DEPTOR: variants seen among roughly 807,000 people sequenced by gnomAD.
The protein encoded by DEPTOR is DEP domain containing MTOR interacting protein.
DEPTOR carries 41 observed loss-of-function variants against 41.6 expected under a neutral mutation model. The observed-to-expected ratio is 0.98, with a 90% CI of 0.77 to 1.28. DEPTOR has a LOEUF of 1.28. Ranked by LOEUF, DEPTOR falls within the 50% of genes most tolerant of loss-of-function variation. DEPTOR has a pLI of 0.00. For missense variants in DEPTOR, 514 were observed against 527.9 expected (o/e 0.97, Z 0.26); for synonymous variants, 195 against 192.3 (o/e 1.01, Z -0.12).
intron 1 of DEPTOR, among the ~76,000 whole-genome samples, chr8:119,880,141 C>CAACAT: frequency 7.2e-6 from 1 of 139,226 alleles, no homozygotes; most frequent in South Asian, 2.4e-4. Flanking sequence ...GACTCCGTCT[C>CAACAT]AAAATAAAAT....
chr8:120,014,885 G>A (rs1482532890), intron 8 of DEPTOR, among the ~76,000 whole-genome samples: 4 of 145,568 alleles, frequency 2.7e-5, no homozygotes, highest in Non-Finnish European at 6.0e-5. Context: ...TTGGTTTCAT[G>A]TCACAACCTT....
chr8:120,001,473 G>T, intron 4 of DEPTOR, 52 bp from the exon 5 acceptor site: 1 of 1,512,532 alleles, frequency 6.6e-7, no homozygotes. Context: ...GTAGCGCTCA[G>T]TGGCCAGGAT....
intron 1 of DEPTOR, among the ~76,000 whole-genome samples, chr8:119,904,389 G>A (rs972628052): frequency 1.3e-5 from 2 of 152,082 alleles, no homozygotes; most frequent in Non-Finnish European, 2.9e-5. Context: ...AAAGTGCTGG[G>A]ATTACAGGCA....
At chr8:120,044,641 G>A (rs1434172848) in intron 8 of DEPTOR, among the ~76,000 whole-genome samples, 3 of 152,306 alleles carry the variant, frequency 2.0e-5, no homozygotes, top group Non-Finnish European at 4.4e-5. Flanking sequence ...GCAGAGGAAA[G>A]GTGATACCTG....
chr8:119,964,292 G>C (rs994827920), intron 3 of DEPTOR, among the ~76,000 whole-genome samples: 1 of 152,054 alleles, frequency 6.6e-6, no homozygotes, highest in African/African-American at 2.4e-5. Flanking sequence ...CAAGATGGGC[G>C]GATCACGAGG....
rs371430527 is a variant in DEPTOR at position 119,977,072 on chromosome 8, C to T, written c.604+11662C>T. On this transcript the variant is annotated intron_variant, in intron 4 of 8. Transcript: ENST00000286234. ...CTGGAGTGCAGGGGTGCAATCTTGG[C>T]TCACTGCAACCTCCGCCTCCCGGGT... Among the ~76,000 whole-genome samples the T allele has an allele frequency of 8.5e-5, 13 of 152,284 alleles. No individual in the cohort carries two copies. The East Asian group carries it at 2.5e-3, about 29-fold the overall frequency.
At chr8:120,042,299 T>C (rs924602922) in intron 8 of DEPTOR, among the ~76,000 whole-genome samples, 1 of 152,166 alleles carries the variant, frequency 6.6e-6, no homozygotes, top group Non-Finnish European at 1.5e-5. Flanking sequence ...GAGTGCTTCC[T>C]GTGGTTACTC....
Position 119,893,376 on chromosome 8 carries a change from G to A in DEPTOR, c.122+19408G>A, listed in dbSNP as rs958900167. ...TACTTGTCAGCAGTTCTGGAAGAAC[G>A]TTTATTCAGGGAGGAGTTTGAAATC... On this transcript the variant is annotated intron_variant, in intron 1 of 8. Coordinates refer to ENST00000286234, the MANE Select transcript of DEPTOR (RefSeq NM_022783.4). 2.6e-5 allele frequency among the ~76,000 whole-genome samples: 4 copies of A among 152,324 alleles called. 1 individual carries two copies. The highest frequency in any genetic ancestry group is 4.1e-4 in the South Asian group (2 of 4,822).
At chr8:120,033,615 G>A (rs1180678156) in intron 8 of DEPTOR, among the ~76,000 whole-genome samples, 1 of 152,188 alleles carries the variant, frequency 6.6e-6, no homozygotes, top group Non-Finnish European at 1.5e-5. Flanking sequence ...CTCTGCCAGA[G>A]GTTAGATGTT....
At chr8:119,941,888 G>A (rs1828208735) in intron 3 of DEPTOR, among the ~76,000 whole-genome samples, 1 of 152,112 alleles carries the variant, frequency 6.6e-6, no homozygotes, top group Non-Finnish European at 1.5e-5. Context: ...TCAGTCCCAG[G>A]CAGCAACAGT....
chr8:120,001,484 G>A (rs754161590), intron 4 of DEPTOR, 41 bp from the exon 5 acceptor site: 2 of 1,545,408 alleles, frequency 1.3e-6, no homozygotes, highest in South Asian at 1.2e-5. Context: ...TGGCCAGGAT[G>A]CCAGATAGTC....
At chr8:119,959,158 C>CTTTTTTTTTTTTTTTTT (rs60202859) in intron 3 of DEPTOR, among the ~76,000 whole-genome samples, 12 of 114,870 alleles carry the variant, frequency 1.0e-4, no homozygotes, top group East Asian at 2.4e-4. Context: ...TTCTTTCTTT[C>CTTTTTTTTTTTTTTTTT]TTTTTTTTTT....
chr8:119,940,751 G>T (rs1026074032), intron 3 of DEPTOR, among the ~76,000 whole-genome samples: 51 of 152,116 alleles, frequency 3.4e-4, no homozygotes, highest in African/African-American at 1.2e-3. Context: ...ATTAAAAAAA[G>T]AATAATAATT....
chr8:119,886,181 T>C (rs893272862), intron 1 of DEPTOR, among the ~76,000 whole-genome samples: 1 of 152,240 alleles, frequency 6.6e-6, no homozygotes, highest in Admixed American at 6.5e-5. Flanking sequence ...GCAATTCTTT[T>C]GGTTCTCTCT....
chr8:119,950,554 T>A (rs1828338684), intron 3 of DEPTOR, among the ~76,000 whole-genome samples: 1 of 152,130 alleles, frequency 6.6e-6, no homozygotes. Context: ...TAGCTGAGAT[T>A]ACAGGTGTGC....
chr8:119,966,472 T>G (rs966062515), intron 4 of DEPTOR, among the ~76,000 whole-genome samples: 6 of 152,218 alleles, frequency 3.9e-5, no homozygotes, highest in Non-Finnish European at 7.3e-5. Context: ...TGAAAATCAC[T>G]GACAAGAGGC....
intron 1 of DEPTOR, among the ~76,000 whole-genome samples, chr8:119,916,227 G>A (rs1827811472): frequency 6.6e-6 from 1 of 150,414 alleles, no homozygotes; most frequent in African/African-American, 2.5e-5. Flanking sequence ...AGTCTCCCGA[G>A]TAGCTGGGAT....
At chr8:120,007,847 C>A (rs1812468260) in intron 7 of DEPTOR, among the ~76,000 whole-genome samples, 1 of 152,178 alleles carries the variant, frequency 6.6e-6, no homozygotes, top group Non-Finnish European at 1.5e-5. Context: ...TGTAAAGTAA[C>A]GGAAGTGCCT....
In DEPTOR at chr8:119,971,990, G is replaced by C. The variant is rs568048752; in HGVS notation, c.604+6580G>C. Among the ~76,000 whole-genome samples the C allele has an allele frequency of 5.9e-5, 9 of 152,326 alleles. No homozygotes were observed. The South Asian group carries it at 6.2e-4, about 11-fold the overall frequency. On this transcript the variant is annotated intron_variant, in intron 4 of 8. Coordinates refer to ENST00000286234, the MANE Select transcript of DEPTOR (RefSeq NM_022783.4). ...GTGGGCAAGGTCCTTATCAGTTAGT[G>C]ACTTGGGAACCTTCCAAAAGCCAAG...
Sources: allele counts gnomAD v4.1 joint callset (sites outside exome capture counted in the v4.1 genomes callset), GRCh38; gene constraint gnomAD v4.1.1; transcripts MANE v1.5; gene names NCBI Gene and HGNC (gene_info 2026-07-23, HGNC 2026-07-21).